MYOF: variants seen among roughly 807,000 people sequenced by gnomAD.
MYOF encodes myoferlin, also known as fer-1-like 3, myoferlin.
In MYOF, 244 loss-of-function variants were observed where a neutral mutation model predicts 284.2. That is an observed-to-expected ratio of 0.86 (90% CI 0.77 to 0.95). The LOEUF is 0.95. Ranked by LOEUF, MYOF falls within the 40% of genes least tolerant of loss-of-function variation. The probability of loss-of-function intolerance (pLI) is 0.00; values close to 1 mark genes in which losing one functional copy is unlikely to be tolerated. For synonymous variants in MYOF, 904 were observed against 919.7 expected (o/e 0.98, Z 0.31); for missense variants, 2,496 against 2,560.6 (o/e 0.97, Z 0.54).
intron 5 of MYOF, among the ~76,000 whole-genome samples, chr10:93,425,206 G>T (rs1002467610): frequency 6.6e-6 from 1 of 152,114 alleles, no homozygotes; most frequent in Admixed American, 6.5e-5. Context: ...CTCCCAAAGT[G>T]TTGGGATTAC....
intron 50 of MYOF, among the ~76,000 whole-genome samples, chr10:93,315,817 G>A (rs1842590140): frequency 6.6e-6 from 1 of 152,014 alleles, no homozygotes; most frequent in Admixed American, 6.6e-5. Flanking sequence ...CCTCAGGGAA[G>A]GCCTGTATTC....
intron 12 of MYOF, 67 bp downstream of exon 12, chr10:93,401,351 T>C: frequency 6.3e-7 from 1 of 1,583,920 alleles, no homozygotes; most frequent in Non-Finnish European, 8.6e-7. Flanking sequence ...TATTAAAGTT[T>C]GATTTTTAAC....
chr10:93,481,382 G>A (rs966794910), intron 1 of MYOF, among the ~76,000 whole-genome samples: 22 of 152,216 alleles, frequency 1.4e-4, no homozygotes, highest in African/African-American at 5.1e-4. Flanking sequence ...GGTTTTTAGA[G>A]ATGATCTTGT....
chr10:93,425,797 G>A (rs1349593005), intron 5 of MYOF: 8 of 487,258 alleles, frequency 1.6e-5, no homozygotes, highest in Non-Finnish European at 2.6e-5. Flanking sequence ...AAAGCCCTGG[G>A]ACATTCTGCT....
At chr10:93,404,995 AC>A (rs1312150639) in intron 7 of MYOF, among the ~76,000 whole-genome samples, 3 of 152,174 alleles carry the variant, frequency 2.0e-5, no homozygotes, top group African/African-American at 7.2e-5. Flanking sequence ...TCCAACTGAG[AC>A]TTTTTCCTCC....
chr10:93,337,993 T>C (rs563946329), intron 39 of MYOF, 80 bp from the exon 40 acceptor site: 1 of 1,050,118 alleles, frequency 9.5e-7, no homozygotes, highest in South Asian at 1.3e-5. Context: ...TTTGTAATAG[T>C]TAAGAAGAAA....
chr10:93,409,626 T>C lies in MYOF; in HGVS notation c.547A>G (p.Thr183Ala). ...VSEAQLARRLTKVKNSRRMLS... is the reference protein window; with the variant it reads ...VSEAQLARRLAKVKNSRRMLS... ...ATCCGCCGGCTGTTCTTTACTTTGG[T>C]GAGCCTCCGAGCAAGCTGAGCTTCC... Residue 183 changes from threonine (T) to alanine (A), a missense_variant, in exon 6 of 54, where the codon ACC becomes GCC. Transcript: ENST00000359263. 6.2e-7 allele frequency: 1 copy of C among 1,614,222 alleles called. No individual in the cohort carries two copies. The highest frequency in any genetic ancestry group is 8.5e-7 in the Non-Finnish European group (1 of 1,180,046).
intron 1 of MYOF, among the ~76,000 whole-genome samples, chr10:93,461,095 AG>A (rs2056869727): frequency 2.2e-4 from 1 of 4,558 alleles, no homozygotes; most frequent in Admixed American, 5.0e-3. Context: ...ACTCCATCTA[AG>A]AAAAGAAAAG....
chr10:93,323,503 G>A, intron 46 of MYOF, 145 bp from the exon 47 acceptor site: 1 of 725,758 alleles, frequency 1.4e-6, no homozygotes, highest in Non-Finnish European at 2.2e-6. Context: ...AGAAGTGGAA[G>A]AGAGCAAACC....
intron 5 of MYOF, 39 bp downstream of exon 5, chr10:93,426,032 C>T (rs1466054320): frequency 6.5e-7 from 1 of 1,536,712 alleles, no homozygotes; most frequent in Non-Finnish European, 8.8e-7. Flanking sequence ...TAGCAGCCTC[C>T]CCCTGGGGGT....
At chr10:93,480,744 G>A (rs2057369520) in intron 1 of MYOF, among the ~76,000 whole-genome samples, 1 of 151,960 alleles carries the variant, frequency 6.6e-6, no homozygotes, top group Non-Finnish European at 1.5e-5. Context: ...CCAAAGTTCT[G>A]GGATTACAGG....
chr10:93,479,439 T>C (rs2057342471), intron 1 of MYOF, among the ~76,000 whole-genome samples: 1 of 152,192 alleles, frequency 6.6e-6, no homozygotes, highest in African/African-American at 2.4e-5. Context: ...TACGCAGTGC[T>C]CAAAATTGGG....
intron 1 of MYOF, among the ~76,000 whole-genome samples, chr10:93,471,610 G>A (rs760641654): frequency 7.9e-5 from 12 of 152,108 alleles, no homozygotes; most frequent in South Asian, 2.1e-4. Flanking sequence ...AAATGAAGGC[G>A]GGGCGTGGTG....
intron 1 of MYOF, among the ~76,000 whole-genome samples, chr10:93,465,394 T>C (rs1420394732): frequency 1.3e-5 from 2 of 152,192 alleles, no homozygotes; most frequent in African/African-American, 2.4e-5. Context: ...TAAGTGTGAT[T>C]ACTAGGCGGC....
At chr10:93,481,449 G>A (rs2057380571) in intron 1 of MYOF, among the ~76,000 whole-genome samples, 1 of 152,094 alleles carries the variant, frequency 6.6e-6, no homozygotes, top group African/African-American at 2.4e-5. Context: ...GAGAAATGAA[G>A]TAACTTGCCC....
intron 31 of MYOF, 96 bp downstream of exon 31, chr10:93,355,532 A>T (rs1396099334): frequency 1.8e-5 from 17 of 938,668 alleles, no homozygotes; most frequent in Non-Finnish European, 2.5e-5. Flanking sequence ...GCGAGCCAAG[A>T]TCGTACCACT....
intron 1 of MYOF, among the ~76,000 whole-genome samples, chr10:93,463,394 ATTTTTTTT>A (rs1554872325): frequency 1.6e-3 from 128 of 78,932 alleles, no homozygotes; most frequent in Non-Finnish European, 2.2e-3. Context: ...GTCTCTACAA[ATTTTTTTT>A]TTTTTTTTTT....
chr10:93,354,360 AGAGT>A (rs1302406743), intron 31 of MYOF, among the ~76,000 whole-genome samples: 3 of 152,228 alleles, frequency 2.0e-5, no homozygotes, highest in Non-Finnish European at 4.4e-5. Context: ...CCTGGGTGAC[AGAGT>A]GAGACTCGGT....
At chr10:93,335,791 T>C in intron 41 of MYOF, 130 bp downstream of exon 41, 6 of 1,136,950 alleles carry the variant, frequency 5.3e-6, no homozygotes, top group Non-Finnish European at 6.2e-6. Flanking sequence ...CCTAGGCCTA[T>C]ATAGAAAATG....
Sources: allele counts gnomAD v4.1 joint callset (sites outside exome capture counted in the v4.1 genomes callset), GRCh38; gene constraint gnomAD v4.1.1; transcripts MANE v1.5; gene names NCBI Gene and HGNC (gene_info 2026-07-23, HGNC 2026-07-21).